MT4: variants seen among roughly 807,000 people sequenced by gnomAD.
MT4 encodes the protein metallothionein 4.
Under a neutral mutation model 9.5 loss-of-function variants are expected in MT4, and 11 were observed. The ratio of observed to expected loss-of-function variants is 1.16; its 90% CI spans 0.73 to 1.92. The LOEUF is 1.92. Ranked by LOEUF, MT4 falls within the 30% of genes most tolerant of loss-of-function variation. The pLI is 0.00. For synonymous variants in MT4, 29 were observed against 24.6 expected, an observed-to-expected ratio of 1.18 and a Z score of -0.53; for missense variants, 88 against 78.7, an observed-to-expected ratio of 1.12 and a Z score of -0.45.
At chr16:56,566,737 A>G (rs201345436) in intron 1 of MT4, among the ~76,000 whole-genome samples, 2,654 of 25,554 alleles carry the variant, frequency 0.1, 20 homozygotes, top group South Asian at 0.2. Context: ...AAAGAAAGAA[A>G]GAAAGAAAGA....
intron 2 of MT4, among the ~76,000 whole-genome samples, chr16:56,568,227 GAAAGAAAGAAAGAAAGAAAGAAAGAA>G (rs772165409): frequency 0.033 from 1,761 of 53,262 alleles, 81 homozygotes; most frequent in Non-Finnish European, 0.036. Flanking sequence ...AAGAAAGAAA[GAAAGAAAGAAAGAAAGAAAGAAAGAA>G]AGAAAGAGAG....
chr16:56,568,257 A>G (rs1809903), intron 2 of MT4, among the ~76,000 whole-genome samples: 55,672 of 81,808 alleles, frequency 0.68, 19,703 homozygotes, highest in Non-Finnish European at 0.74. Flanking sequence ...GAAAGAAAGA[A>G]AGAGAGAGAG....
At chr16:56,568,216 A>AG (rs202175430) in intron 2 of MT4, among the ~76,000 whole-genome samples, 1 of 25,054 alleles carries the variant, frequency 4.0e-5, no homozygotes, top group African/African-American at 1.2e-4. Flanking sequence ...AGAGAGAGAG[A>AG]AAGAAAGAAA....
intron 1 of MT4, among the ~76,000 whole-genome samples, chr16:56,566,835 GAAAGAAAGAAAGAAAGAAAGAAAT>G (rs1959541761): frequency 9.1e-6 from 1 of 109,488 alleles, no homozygotes; most frequent in Non-Finnish European, 2.0e-5. Flanking sequence ...AAGAAAGAAA[GAAAGAAAGAAAGAAAGAAAGAAAT>G]GAGGGAGAGA....
chr16:56,568,770 T>C (rs1959586110), intron 2 of MT4, 71 bp from the exon 3 acceptor site: 1 of 1,051,066 alleles, frequency 9.5e-7, no homozygotes, highest in Non-Finnish European at 1.4e-6. Flanking sequence ...TTCCTCTAAG[T>C]AGTGGGAGGG....
intron 1 of MT4, among the ~76,000 whole-genome samples, chr16:56,566,769 G>GGAAGGAAAGAAA (rs1959531293): frequency 5.4e-5 from 2 of 36,938 alleles, no homozygotes; most frequent in African/African-American, 1.6e-4. Context: ...AAGGAAGGAA[G>GGAAGGAAAGAAA]GAAAGAAAGA....
chr16:56,568,227 GAAAGAAAGAAAGAA>G (rs1290287673), intron 2 of MT4, among the ~76,000 whole-genome samples: 994 of 52,636 alleles, frequency 0.019, 12 homozygotes, highest in Middle Eastern at 0.037. Context: ...AAGAAAGAAA[GAAAGAAAGAAAGAA>G]AGAAAGAAAG....
intron 1 of MT4, among the ~76,000 whole-genome samples, chr16:56,567,320 A>T (rs1364040350): frequency 6.6e-6 from 1 of 151,834 alleles, no homozygotes; most frequent in African/African-American, 2.4e-5. Flanking sequence ...CACTGTGCCT[A>T]GCCAAGAGGG....
chr16:56,565,139 G>T lies in MT4; in HGVS notation c.11G>T (p.Arg4Met). 1 of 1,613,166 alleles carries T rather than the reference G, an allele frequency of 6.2e-7. No individual in the cohort carries two copies. The highest frequency in any genetic ancestry group is 8.5e-7 in the Non-Finnish European group (1 of 1,179,578). ...TCGGACACCTGGACCATGGACCCCA[G>T]GGAATGTGTCTGCATGTCTGGTGAG... is the stretch of plus-strand genomic sequence containing the variant. The part of the protein sequence containing the change: MDP[R>M]ECVCMSGGIC... The change falls in exon 1 of 3, where the codon AGG becomes ATG. Residue 4 changes from arginine to methionine, a missense_variant. Physicochemically the swap from Arg to Met is moderately conservative, Grantham distance 91. Coordinates refer to ENST00000219162, the MANE Select transcript of MT4 (RefSeq NM_032935.3).
chr16:56,566,837 AAGAAAG>A (rs1959541879), intron 1 of MT4, among the ~76,000 whole-genome samples: 1 of 138,504 alleles, frequency 7.2e-6, no homozygotes, highest in African/African-American at 2.5e-5. Context: ...GAAAGAAAGA[AAGAAAG>A]AAAGAAAGAA....
intron 1 of MT4, among the ~76,000 whole-genome samples, chr16:56,567,016 G>A (rs1959545220): frequency 6.6e-6 from 1 of 151,982 alleles, no homozygotes; most frequent in African/African-American, 2.4e-5. Context: ...GGGTGTGAAA[G>A]GGGTTTTTGT....
In MT4 at chr16:56,565,102, C is replaced by T. The variant is rs1392331907; in HGVS notation, c.-27C>T. 2 of 1,612,886 alleles carry T rather than the reference C, an allele frequency of 1.2e-6. No individual in the cohort carries two copies. The highest frequency in any genetic ancestry group is 3.3e-5 in the Admixed American group (2 of 59,838). ...AGCCTCCCTTCCCCAGCCGTGACAG[C>T]ACTGGAGCCTTTCGGACACCTGGAC... On this transcript the variant is annotated 5_prime_UTR_variant, in exon 1 of 3. Coordinates refer to ENST00000219162, the MANE Select transcript of MT4 (RefSeq NM_032935.3).
chr16:56,568,221 AAG>A (rs1567330497), intron 2 of MT4, among the ~76,000 whole-genome samples: 33 of 28,506 alleles, frequency 1.2e-3, no homozygotes, highest in African/African-American at 3.2e-3. Flanking sequence ...GAGAGAAAGA[AAG>A]AAAGAAAGAA....
At chr16:56,568,404 C>T (rs1221433418) in intron 2 of MT4, among the ~76,000 whole-genome samples, 1 of 151,960 alleles carries the variant, frequency 6.6e-6, no homozygotes, top group Non-Finnish European at 1.5e-5. Context: ...GGTCTAGATG[C>T]CTTTTACCCA....
At chr16:56,566,734 G>A (rs1959527843) in intron 1 of MT4, among the ~76,000 whole-genome samples, 1 of 36,286 alleles carries the variant, frequency 2.8e-5, no homozygotes, top group African/African-American at 8.9e-5. Flanking sequence ...AAGAAAGAAA[G>A]AAAGAAAGAA....
At chr16:56,566,814 GAAAGAA>G (rs1959538178) in intron 1 of MT4, among the ~76,000 whole-genome samples, 1 of 45,848 alleles carries the variant, frequency 2.2e-5, no homozygotes, top group Non-Finnish European at 4.8e-5. Context: ...AAGAAAGAAA[GAAAGAA>G]AAGAAAGAAA....
In MT4 at chr16:56,565,153, A is replaced by C; in HGVS notation, c.25A>C (p.Met9Leu). 6.2e-7 allele frequency: 1 copy of C among 1,612,766 alleles called. No homozygotes were observed. Among genetic ancestry groups the C allele is most frequent in the Non-Finnish European group, 8.5e-7 (1 of 1,179,424 alleles). MDPRECVC[M>L]SGGICMCGDN... ...CATGGACCCCAGGGAATGTGTCTGC[A>C]TGTCTGGTGAGTAAAGAAGCCCTCC... The change falls in exon 1 of 3, where the codon ATG (methionine) becomes CTG (leucine). Residue 9 changes from methionine (M) to leucine (L), a missense_variant. Coordinates refer to ENST00000219162, the MANE Select transcript of MT4 (RefSeq NM_032935.3).
At chr16:56,568,215 GAAAGAAAGAAAGAA>G (rs781145687) in intron 2 of MT4, among the ~76,000 whole-genome samples, 5 of 23,730 alleles carry the variant, frequency 2.1e-4, no homozygotes, top group Non-Finnish European at 2.0e-4. Flanking sequence ...GAGAGAGAGA[GAAAGAAAGAAAGAA>G]AGAAAGAAAG....
chr16:56,566,807 AAAG>A lies in MT4; in HGVS notation c.32-941_32-939del, dbSNP rs1567330003. On this transcript the variant is annotated intron_variant, in intron 1 of 2. Transcript: ENST00000219162. The stretch of plus-strand genomic sequence containing the variant: ...GAAAGAAAGAAAGAAAGAAAGAAAG[AAAG>A]AAAGAAAGAAAAGAAAGAAAGAAAG... Among the ~76,000 whole-genome samples the A allele has an allele frequency of 6.1e-4, 32 of 52,586 alleles. 1 individual carries two copies. The highest frequency in any genetic ancestry group is 1.3e-3 in the African/African-American group (23 of 17,074). The allele number at this position is 52,586 out of a possible 152,430, so 34.5% of individuals were successfully genotyped here.
Sources: gnomAD v4.1 joint callset for allele counts (sites outside exome capture counted in the v4.1 genomes callset) on GRCh38, gnomAD v4.1.1 for gene constraint, MANE v1.5 for transcripts, NCBI Gene and HGNC (gene_info 2026-07-23, HGNC 2026-07-21) for gene names.